GLIS3: variants seen among roughly 807,000 people sequenced by gnomAD.
The protein encoded by GLIS3 is GLIS family zinc finger 3, also known as zinc finger protein GLIS3.
Under a neutral mutation model 78.6 loss-of-function variants are expected in GLIS3, and 53 were observed. The observed-to-expected ratio is 0.67, with a 90% confidence interval of 0.54 to 0.85. The LOEUF (loss-of-function observed/expected upper bound fraction) is 0.85. Among genes scored for constraint, GLIS3 ranks in the 40% least tolerant of loss-of-function variants. The pLI, the probability that GLIS3 is intolerant of heterozygous loss-of-function variation, is 0.00. For missense variants in GLIS3, 1,703 were observed against 1,231.1 expected, an observed-to-expected ratio of 1.38 and a Z score of -5.74; for synonymous variants, 684 against 509.9, an observed-to-expected ratio of 1.34 and a Z score of -4.60.
chr9:4,403,333 A>T, the GLIS3 span, among the ~76,000 whole-genome samples: 1 of 152,182 alleles, frequency 6.6e-6, no homozygotes, highest in Admixed American at 6.5e-5. Flanking sequence ...TCTGAAAGAA[A>T]GGGATGTTAA....
chr9:4,293,791 G>T (rs946917721), intron 1 of GLIS3, among the ~76,000 whole-genome samples: 2 of 152,162 alleles, frequency 1.3e-5, no homozygotes, highest in African/African-American at 4.8e-5. Flanking sequence ...GCATTGTGAC[G>T]CTATCTGCCC....
At chr9:4,397,677 GAA>G in the GLIS3 span, among the ~76,000 whole-genome samples, 6 of 3,694 alleles carry the variant, frequency 1.6e-3, no homozygotes, top group Non-Finnish European at 7.2e-3. Flanking sequence ...AGGGAGGGAG[GAA>G]GGGAGGGAGG....
chr9:4,146,305 T>C (rs1185498581), intron 2 of GLIS3, among the ~76,000 whole-genome samples: 2 of 152,212 alleles, frequency 1.3e-5, no homozygotes, highest in Admixed American at 1.3e-4. Flanking sequence ...TCTACTATAG[T>C]TCTAGATAAG....
intron 7 of GLIS3, among the ~76,000 whole-genome samples, chr9:3,884,175 TC>T (rs1181000870): frequency 6.6e-6 from 1 of 152,206 alleles, no homozygotes; most frequent in Non-Finnish European, 1.5e-5. Flanking sequence ...AAACCATTAA[TC>T]TATATTTCTA....
intron 4 of GLIS3, among the ~76,000 whole-genome samples, chr9:4,115,672 G>C (rs1165561553): frequency 6.6e-6 from 1 of 152,004 alleles, no homozygotes; most frequent in Admixed American, 6.6e-5. Context: ...GTTTTCAGAA[G>C]ACACAATGCC....
the GLIS3 span, among the ~76,000 whole-genome samples, chr9:4,410,009 C>G: frequency 0.55 from 83,532 of 151,976 alleles, 23,337 homozygotes; most frequent in East Asian, 0.67. Flanking sequence ...CTCACTCTGT[C>G]ACCCAGGCTG....
At chr9:4,478,634 T>A in the GLIS3 span, among the ~76,000 whole-genome samples, 1 of 151,972 alleles carries the variant, frequency 6.6e-6, no homozygotes, top group Non-Finnish European at 1.5e-5. Context: ...GTAGTCACCT[T>A]TGGAAGTTGC....
the GLIS3 span, among the ~76,000 whole-genome samples, chr9:4,383,413 T>A: frequency 2.3e-4 from 35 of 152,360 alleles, no homozygotes; most frequent in African/African-American, 8.4e-4. Context: ...GATTCATGGA[T>A]AAGCAAACTA....
the GLIS3 span, among the ~76,000 whole-genome samples, chr9:4,385,641 G>A: frequency 2.1e-5 from 3 of 146,278 alleles, no homozygotes; most frequent in Non-Finnish European, 4.5e-5. Context: ...CTCCAGCCTG[G>A]GTGACAACAG....
At chr9:4,429,012 T>C in the GLIS3 span, among the ~76,000 whole-genome samples, 3 of 152,154 alleles carry the variant, frequency 2.0e-5, no homozygotes, top group African/African-American at 7.2e-5. Flanking sequence ...ACCACTATCA[T>C]CTCTCACCAG....
chr9:4,046,667 G>A (rs528220844), intron 4 of GLIS3, among the ~76,000 whole-genome samples: 18 of 152,218 alleles, frequency 1.2e-4, no homozygotes, highest in Admixed American at 1.0e-3. Context: ...TTCACTTCTA[G>A]CGTTGCATTT....
At chr9:3,988,814 GA>G (rs149295663) in intron 4 of GLIS3, among the ~76,000 whole-genome samples, 2 of 150,698 alleles carry the variant, frequency 1.3e-5, no homozygotes, top group African/African-American at 2.4e-5. Context: ...AACTTTCAGG[GA>G]AAAAAAAAGC....
intron 4 of GLIS3, among the ~76,000 whole-genome samples, chr9:4,036,819 C>A (rs1824354206): frequency 6.6e-6 from 1 of 152,166 alleles, no homozygotes; most frequent in Non-Finnish European, 1.5e-5. Context: ...GTTTGGAGGA[C>A]TCATTCTTGA....
chr9:4,419,296 A>G, the GLIS3 span, among the ~76,000 whole-genome samples: 7 of 152,168 alleles, frequency 4.6e-5, no homozygotes, highest in Non-Finnish European at 8.8e-5. Flanking sequence ...TTGTTCTTGC[A>G]TTGCTACAAA....
At chr9:3,913,043 T>A (rs1265507898) in intron 6 of GLIS3, among the ~76,000 whole-genome samples, 1 of 152,176 alleles carries the variant, frequency 6.6e-6, no homozygotes, top group Non-Finnish European at 1.5e-5. Context: ...TATCTAGTAA[T>A]TACTTCCCCC....
intron 6 of GLIS3, among the ~76,000 whole-genome samples, chr9:3,930,323 C>T (rs1431941960): frequency 6.6e-6 from 1 of 152,174 alleles, no homozygotes. Context: ...TCTCCATTTA[C>T]ATAAGACAAA....
At chr9:4,129,147 C>T (rs1782976619) in intron 2 of GLIS3, among the ~76,000 whole-genome samples, 2 of 152,194 alleles carry the variant, frequency 1.3e-5, no homozygotes, top group African/African-American at 4.8e-5. Flanking sequence ...AAGTGTTTTT[C>T]ATAATGCCAG....
At chr9:4,427,305 T>C in the GLIS3 span, among the ~76,000 whole-genome samples, 7 of 152,202 alleles carry the variant, frequency 4.6e-5, no homozygotes, top group East Asian at 1.9e-4. Context: ...TCTCCACTTA[T>C]AATTGTTTCC....
chr9:4,174,036 C>G (rs929842106), intron 2 of GLIS3, among the ~76,000 whole-genome samples: 7 of 152,094 alleles, frequency 4.6e-5, no homozygotes, highest in Non-Finnish European at 1.0e-4. Flanking sequence ...TTTTTACTCT[C>G]ATGTTTCAAT....
Sources: allele counts gnomAD v4.1 joint callset (sites outside exome capture counted in the v4.1 genomes callset), GRCh38; gene constraint gnomAD v4.1.1; transcripts MANE v1.5; gene names NCBI Gene and HGNC (gene_info 2026-07-23, HGNC 2026-07-21).